The following CTCF variants were observed in gnomAD, a reference collection of about 807,000 sequenced individuals.
The protein encoded by CTCF is CCCTC-binding factor.
In CTCF, 7 loss-of-function variants were observed where a neutral mutation model predicts 72.3. The ratio of observed to expected loss-of-function variants is 0.10; its 90% CI spans 0.06 to 0.18. The LOEUF is 0.18. Among genes scored for constraint, CTCF ranks in the 10% least tolerant of loss-of-function variants. The probability of loss-of-function intolerance (pLI) is 1.00; values close to 1 mark genes in which losing one functional copy is unlikely to be tolerated. For synonymous variants in CTCF, 374 were observed against 315.8 expected (o/e 1.18, Z -1.95); for missense variants, 516 against 949.1 (o/e 0.54, Z 6.00).
chr16:67,608,960 C>T (rs1176677796), intron 2 of CTCF, among the ~76,000 whole-genome samples: 1 of 151,438 alleles, frequency 6.6e-6, no homozygotes, highest in Admixed American at 6.6e-5. Context: ...AGGGTGGTCT[C>T]GTACTCCCGA....
chr16:67,569,012 A>T (rs2051378097), intron 1 of CTCF, among the ~76,000 whole-genome samples: 1 of 149,968 alleles, frequency 6.7e-6, no homozygotes, highest in South Asian at 2.1e-4. Context: ...TAATTTTTGT[A>T]TTTTTTTTAG....
At chr16:67,612,830 A>G (rs967240700) in intron 4 of CTCF, among the ~76,000 whole-genome samples, 11 of 151,862 alleles carry the variant, frequency 7.2e-5, no homozygotes, top group African/African-American at 2.2e-4. Flanking sequence ...CCAGCTACTC[A>G]GGAGGCTCAG....
intron 2 of CTCF, among the ~76,000 whole-genome samples, chr16:67,578,214 A>G (rs2051528096): frequency 6.6e-6 from 1 of 152,064 alleles, no homozygotes; most frequent in Admixed American, 6.6e-5. Context: ...AGTAATCCTC[A>G]GTCTTGCCTC....
At chr16:67,575,513 C>T (rs1039431130) in intron 2 of CTCF, among the ~76,000 whole-genome samples, 1 of 151,984 alleles carries the variant, frequency 6.6e-6, no homozygotes, top group Non-Finnish European at 1.5e-5. Flanking sequence ...GGTGCAATCT[C>T]GGCTCACTGC....
chr16:67,621,395 G>T (rs759744925), intron 6 of CTCF, 47 bp from the exon 7 acceptor site: 14 of 1,392,770 alleles, frequency 1.0e-5, no homozygotes, highest in South Asian at 9.6e-5. Flanking sequence ...TTAAATTACA[G>T]TATTTATTCA....
rs953253500 is a variant in CTCF, at chr16:67,626,830, T to G, written c.1518+115T>G. Reference sequence around the variant, plus strand: ...AAAGATAGTATTTTCAAACTGTGGATTATGAGGAATGTCACCAAAATCAAA... The same window carrying G: ...AAAGATAGTATTTTCAAACTGTGGAGTATGAGGAATGTCACCAAAATCAAA... On this transcript the variant is annotated intron_variant, in intron 8 of 11. Coordinates refer to ENST00000264010, the MANE Select transcript of CTCF (RefSeq NM_006565.4). 23 of 719,210 alleles carry G rather than the reference T, an allele frequency of 3.2e-5. No individual in the cohort carries two copies. In the African/African-American group the frequency reaches 3.5e-4, roughly 11 times the overall value. The allele number at this position is 719,210 out of a possible 1,614,324, so 44.6% of individuals were successfully genotyped here. A position where few individuals can be genotyped will look rare whatever the true frequency, so the allele number is the denominator to read the frequency against.
chr16:67,569,434 T>G (rs1426569464), intron 1 of CTCF, among the ~76,000 whole-genome samples: 1 of 152,082 alleles, frequency 6.6e-6, no homozygotes, highest in Non-Finnish European at 1.5e-5. Context: ...TCCGCCCGCT[T>G]TGGCCTCCCA....
rs2051643314 is a variant in CTCF at position 67,584,629 on chromosome 16, CT to C, written c.-10+13367del. On this transcript the variant is annotated intron_variant, in intron 2 of 11. Transcript: ENST00000264010. Reference sequence around the variant, plus strand: ...GCGTGAGCCACCGCATCTGGCCAGTCTTCTTTTTTTTTTTAAACTGTAAAGT... The same window carrying C: ...GCGTGAGCCACCGCATCTGGCCAGTCTCTTTTTTTTTTTAAACTGTAAAGT... Among the ~76,000 whole-genome samples, 3 of 151,416 alleles carry C rather than the reference CT, an allele frequency of 2.0e-5. No individual in the cohort carries two copies. The South Asian group carries it at 6.2e-4, about 32-fold the overall frequency.
At chr16:67,616,937 C>G in intron 5 of CTCF, 59 bp downstream of exon 5, 1 of 1,565,704 alleles carries the variant, frequency 6.4e-7, no homozygotes, top group Non-Finnish European at 8.8e-7. Context: ...TATTTCAATA[C>G]AAAGCTATAA....
At chr16:67,620,925 C>CATGAAAA in intron 6 of CTCF, 108 bp downstream of exon 6, 1 of 893,246 alleles carries the variant, frequency 1.1e-6, no homozygotes, top group South Asian at 3.3e-5. Flanking sequence ...TGAAGACTGG[C>CATGAAAA]ATGAAAATAG....
intron 2 of CTCF, among the ~76,000 whole-genome samples, chr16:67,604,198 A>G (rs2142800343): frequency 6.6e-6 from 1 of 151,942 alleles, no homozygotes; most frequent in African/African-American, 2.4e-5. Flanking sequence ...AGTCCTAGCT[A>G]CTTGGCAGAC....
chr16:67,606,554 TTCTC>T (rs573564040), intron 2 of CTCF, among the ~76,000 whole-genome samples: 123 of 152,230 alleles, frequency 8.1e-4, no homozygotes, highest in South Asian at 2.3e-3. Flanking sequence ...GGTAATGTCA[TTCTC>T]TCTGTAGTAG....
chr16:67,609,826 G>A (rs1028784413), intron 2 of CTCF, among the ~76,000 whole-genome samples: 3 of 151,788 alleles, frequency 2.0e-5, no homozygotes, highest in African/African-American at 4.8e-5. Flanking sequence ...GGGTTTCACC[G>A]TGTTAGCCAG....
At chr16:67,619,092 C>T (rs886633508) in intron 5 of CTCF, among the ~76,000 whole-genome samples, 8 of 152,144 alleles carry the variant, frequency 5.3e-5, no homozygotes, top group Non-Finnish European at 7.3e-5. Context: ...GAATTAGTAA[C>T]GCTGTTAGGA....
At chr16:67,616,666 A>G (rs2052135602) in intron 4 of CTCF, 79 bp from the exon 5 acceptor site, 2 of 1,510,900 alleles carry the variant, frequency 1.3e-6, no homozygotes, top group African/African-American at 2.7e-5. Context: ...GTCTCATAGC[A>G]GTTCTGTGCC....
At chr16:67,614,173 C>T (rs756557294) in intron 4 of CTCF, among the ~76,000 whole-genome samples, 43 of 151,514 alleles carry the variant, frequency 2.8e-4, no homozygotes, top group Non-Finnish European at 5.3e-4. Context: ...ATGACGAAAC[C>T]TCGTCTCTAC....
intron 3 of CTCF, 133 bp downstream of exon 3, chr16:67,611,746 A>G: frequency 9.7e-7 from 1 of 1,034,302 alleles, no homozygotes; most frequent in South Asian, 1.6e-5. Flanking sequence ...CTTTAAAACC[A>G]GTCTAAAATA....
Position 67,581,945 on chromosome 16 carries a change from C to T in CTCF, c.-10+10681C>T, listed in dbSNP as rs375984350. ...CCTCTGTTAGATATCTTTTGTTGGC[C>T]GGGTGCAGTGGCTCATGCCTGTAAT... is the stretch of plus-strand genomic sequence containing the variant. On this transcript the variant is annotated intron_variant, in intron 2 of 11. Transcript: ENST00000264010. 6.9e-4 allele frequency among the ~76,000 whole-genome samples: 105 copies of T among 151,662 alleles called. 1 individual carries two copies. In the South Asian group the frequency reaches 7.8e-3, roughly 11 times the overall value.
chr16:67,594,401 G>A (rs2051784497), intron 2 of CTCF, among the ~76,000 whole-genome samples: 1 of 151,218 alleles, frequency 6.6e-6, no homozygotes, highest in Admixed American at 6.6e-5. Context: ...AAAAAAAAAG[G>A]TGTAAGAATT....
Sources: gnomAD v4.1 joint callset for allele counts (sites outside exome capture counted in the v4.1 genomes callset) on GRCh38, gnomAD v4.1.1 for gene constraint, MANE v1.5 for transcripts, NCBI Gene and HGNC (gene_info 2026-07-23, HGNC 2026-07-21) for gene names.